The following C8orf34 variants were observed in gnomAD, a reference collection of about 807,000 sequenced individuals.
The protein encoded by C8orf34 is uncharacterized protein C8orf34.
C8orf34 carries 65 observed loss-of-function variants against 68.3 expected under a neutral mutation model. The ratio of observed to expected loss-of-function variants is 0.95; its 90% CI spans 0.78 to 1.17. The LOEUF (loss-of-function observed/expected upper bound fraction) is 1.17. C8orf34 is among the 50% of genes most tolerant of loss of function. The pLI, the probability that C8orf34 is intolerant of heterozygous loss-of-function variation, is 0.00. For missense variants in C8orf34, 664 were observed against 655.4 expected (o/e 1.01, Z -0.14); for synonymous variants, 244 against 241.2 (o/e 1.01, Z -0.11).
chr8:68,776,311 T>A, intron 10 of C8orf34, 88 bp from the exon 11 acceptor site: 1 of 940,090 alleles, frequency 1.1e-6, no homozygotes, highest in Admixed American at 2.0e-5. Context: ...TATTTGGTGT[T>A]GCTCTCAGAT....
rs143971301 is a variant in C8orf34 at position 68,569,974 on chromosome 8, C to T, written c.1105+36825C>T. Among the ~76,000 whole-genome samples, 464 of 152,302 alleles carry T rather than the reference C, an allele frequency of 3.0e-3. 3 individuals are homozygous for T. Among genetic ancestry groups the T allele is most frequent in the African/African-American group, 0.011 (447 of 41,578 alleles). ...CCCAGCACCAAAGTCTCTCTTCAGG[C>T]TGCTCTTTGATTTCAGCCTTCCCCA... On this transcript the variant is annotated intron_variant, in intron 7 of 13. Transcript: ENST00000518698.
At chr8:68,461,129 A>T (rs1386008833) in intron 3 of C8orf34, among the ~76,000 whole-genome samples, 1 of 152,244 alleles carries the variant, frequency 6.6e-6, no homozygotes, top group African/African-American at 2.4e-5. Flanking sequence ...AAGGCTGGAG[A>T]ACTACGTGAA....
chr8:68,761,575 A>G (rs1374508919), intron 10 of C8orf34, among the ~76,000 whole-genome samples: 2 of 152,182 alleles, frequency 1.3e-5, no homozygotes, highest in Non-Finnish European at 2.9e-5. Context: ...TGTCCTTCGG[A>G]TGAAAAATAA....
intron 1 of C8orf34, among the ~76,000 whole-genome samples, chr8:68,373,645 T>C (rs1252045962): frequency 6.6e-6 from 1 of 152,214 alleles, no homozygotes; most frequent in Non-Finnish European, 1.5e-5. Context: ...TGGTAAAATT[T>C]ATTTCTTTAA....
intron 1 of C8orf34, among the ~76,000 whole-genome samples, chr8:68,412,859 T>C (rs1218643266): frequency 6.6e-6 from 1 of 152,058 alleles, no homozygotes; most frequent in Admixed American, 6.6e-5. Flanking sequence ...ATCCCACCCA[T>C]TGATCCCACC....
intron 1 of C8orf34, among the ~76,000 whole-genome samples, chr8:68,399,361 G>T (rs1039618316): frequency 6.6e-6 from 1 of 151,870 alleles, no homozygotes; most frequent in Admixed American, 6.6e-5. Context: ...CACACTTTAT[G>T]TCCATGTGTA....
At chr8:68,529,433 A>G (rs1294616808) in intron 6 of C8orf34, among the ~76,000 whole-genome samples, 1 of 152,186 alleles carries the variant, frequency 6.6e-6, no homozygotes, top group Non-Finnish European at 1.5e-5. Context: ...CCGTATCTGT[A>G]ATTGTGAAAT....
At chr8:68,449,577 C>T (rs1234639963) in intron 3 of C8orf34, among the ~76,000 whole-genome samples, 2 of 151,522 alleles carry the variant, frequency 1.3e-5, no homozygotes, top group Non-Finnish European at 3.0e-5. Flanking sequence ...ATCAGTCGCA[C>T]AATTTTTTTT....
intron 7 of C8orf34, among the ~76,000 whole-genome samples, chr8:68,592,672 G>T (rs1466781782): frequency 2.8e-5 from 4 of 140,736 alleles, no homozygotes; most frequent in African/African-American, 1.1e-4. Flanking sequence ...CATGTGGCGT[G>T]ATCTCGGTTC....
chr8:68,586,480 A>T (rs1161393887), intron 7 of C8orf34, among the ~76,000 whole-genome samples: 1 of 152,186 alleles, frequency 6.6e-6, no homozygotes, highest in Non-Finnish European at 1.5e-5. Flanking sequence ...AGGGCTAGTT[A>T]GTTAAAACTG....
chr8:68,743,246 C>A (rs1822356986), intron 10 of C8orf34, among the ~76,000 whole-genome samples: 1 of 152,124 alleles, frequency 6.6e-6, no homozygotes, highest in South Asian at 2.1e-4. Flanking sequence ...CTTAGAGTAG[C>A]AATGGATAAG....
intron 4 of C8orf34, among the ~76,000 whole-genome samples, chr8:68,482,538 G>A (rs1360553125): frequency 6.6e-6 from 1 of 152,192 alleles, no homozygotes; most frequent in African/African-American, 2.4e-5. Context: ...GCTTCCCAAA[G>A]TGTTAAGATT....
At chr8:68,686,163 AAAAG>A in intron 8 of C8orf34, among the ~76,000 whole-genome samples, 1 of 151,980 alleles carries the variant, frequency 6.6e-6, no homozygotes, top group South Asian at 2.1e-4. Flanking sequence ...CCAACAACAG[AAAAG>A]CCCAGGACCA....
rs539245491 is a variant in C8orf34, at chr8:68,681,865, A to G, written c.1242-27129A>G. ...GGAATGAGAGCCAATCATCTGCAACAATATGGATGGAACTGGAGGTCACTA... is the reference window on the plus strand; with the variant it reads ...GGAATGAGAGCCAATCATCTGCAACGATATGGATGGAACTGGAGGTCACTA... On this transcript the variant is annotated intron_variant, in intron 8 of 13. Coordinates refer to ENST00000518698, the MANE Select transcript of C8orf34 (RefSeq NM_052958.4). Among the ~76,000 whole-genome samples the G allele has an allele frequency of 8.5e-4, 129 of 152,298 alleles. 1 individual carries two copies. The highest frequency in any genetic ancestry group is 3.0e-3 in the African/African-American group (125 of 41,578).
intron 5 of C8orf34, among the ~76,000 whole-genome samples, chr8:68,500,010 A>G (rs981310951): frequency 3.3e-5 from 5 of 151,534 alleles, no homozygotes; most frequent in African/African-American, 1.2e-4. Context: ...CATCCTCCTC[A>G]CTCTCTTTCT....
At position 68,754,427 on chromosome 8, in the gene C8orf34, C is replaced by T. The variant is rs186334444; in HGVS notation, c.1405-21972C>T. Among the ~76,000 whole-genome samples, 359 of 152,254 alleles carry T rather than the reference C, an allele frequency of 2.4e-3. 1 individual carries two copies. Among genetic ancestry groups the T allele is most frequent in the African/African-American group, 8.1e-3 (336 of 41,538 alleles). ...TTACTTTGTATTGAGGCATAACATT[C>T]CTTTTCGATGTAAACAGGGTTTTTA... On this transcript the variant is annotated intron_variant, in intron 10 of 13. Transcript: ENST00000518698.
chr8:68,775,651 A>G (rs936006376), intron 10 of C8orf34, among the ~76,000 whole-genome samples: 1 of 152,212 alleles, frequency 6.6e-6, no homozygotes, highest in African/African-American at 2.4e-5. Context: ...TTTTAAGTCC[A>G]TGTTTTAGAT....
intron 7 of C8orf34, among the ~76,000 whole-genome samples, chr8:68,620,246 T>C (rs181895426): frequency 4.6e-5 from 7 of 152,098 alleles, no homozygotes; most frequent in African/African-American, 9.6e-5. Flanking sequence ...TAACTGGAAA[T>C]TGAGAATAAT....
At chr8:68,599,676 C>T (rs927416831) in intron 7 of C8orf34, among the ~76,000 whole-genome samples, 15 of 151,966 alleles carry the variant, frequency 9.9e-5, no homozygotes, top group Non-Finnish European at 2.2e-4. Flanking sequence ...AATGCTAAAA[C>T]TCTAAAATTT....
Sources: gnomAD v4.1 joint callset for allele counts (sites outside exome capture counted in the v4.1 genomes callset) on GRCh38, gnomAD v4.1.1 for gene constraint, MANE v1.5 for transcripts, NCBI Gene and HGNC (gene_info 2026-07-23, HGNC 2026-07-21) for gene names.